AHCTF1: variants seen among roughly 807,000 people sequenced by gnomAD.
AHCTF1 encodes AT-hook containing transcription factor 1.
Under a neutral mutation model 248.4 loss-of-function variants are expected in AHCTF1, and 24 were observed. That is an observed-to-expected ratio of 0.10 (90% CI 0.07 to 0.14). The LOEUF (loss-of-function observed/expected upper bound fraction) is 0.14, where lower values mean the gene tolerates loss of function less well. AHCTF1 is among the 10% of genes least tolerant of loss of function. The probability of loss-of-function intolerance (pLI) is 1.00; values close to 1 mark genes in which losing one functional copy is unlikely to be tolerated. For synonymous variants in AHCTF1, 786 were observed against 929.8 expected (o/e 0.85, Z 2.81); for missense variants, 2,206 against 2,636.2 (o/e 0.84, Z 3.57).
rs1666284649 is a variant in AHCTF1 at position 246,918,273 on chromosome 1, A to G, written c.98T>C (p.Val33Ala). ...LGEDEITLESVLRGKFAAGKN... is the reference protein window; with the variant it reads ...LGEDEITLESALRGKFAAGKN... ...ACCTGCAGCAAACTTTCCACGAAGC[A>G]CAGATTCTAATGTTATTTCGTCTTC... Residue 33 changes from valine (V) to alanine (A), a missense_variant, in exon 2 of 36, where the codon GTG becomes GCG. By Grantham distance (64) the Val-to-Ala change is moderately conservative (BLOSUM62 0). Coordinates refer to ENST00000648844, the MANE Select transcript of AHCTF1 (RefSeq NM_001323342.2). The G allele has an allele frequency of 6.2e-7, 1 of 1,609,458 alleles. No individual in the cohort carries two copies. Among genetic ancestry groups the G allele is most frequent in the African/African-American group, 1.3e-5 (1 of 74,848 alleles).
intron 19 of AHCTF1, among the ~76,000 whole-genome samples, chr1:246,887,921 T>C (rs946238059): frequency 6.6e-6 from 1 of 152,318 alleles, no homozygotes; most frequent in South Asian, 2.1e-4. Context: ...TTTGAGTGTC[T>C]TGGACACATT....
Position 246,885,649 on chromosome 1 carries a change from G to A in AHCTF1, c.2504C>T (p.Thr835Ile). Residue 835 changes from threonine to isoleucine, a missense_variant, in exon 21 of 36, where the codon ACT (threonine) becomes ATT (isoleucine). Physicochemically the swap from Thr to Ile is moderately conservative, Grantham distance 89 (BLOSUM62 -1). Coordinates refer to ENST00000648844, the MANE Select transcript of AHCTF1 (RefSeq NM_001323342.2). The stretch of plus-strand genomic sequence containing the variant: ...ATGTTGCCATGACAAAGGTTTTGCA[G>A]TAGCTGGATGAAACAAAAGATCCAA... ...SGLDLLFHPA[T>I]AKPLSWQHSK... 4 of 1,610,984 alleles carry A rather than the reference G, an allele frequency of 2.5e-6. No individual in the cohort carries two copies. The highest frequency in any genetic ancestry group is 2.5e-6 in the Non-Finnish European group (3 of 1,178,454).
chr1:246,867,898 CCCCCACACA>C, intron 24 of AHCTF1, 87 bp from the exon 25 acceptor site: 3 of 566,698 alleles, frequency 5.3e-6, no homozygotes, highest in Non-Finnish European at 7.8e-6. Flanking sequence ...TACACCCCCC[CCCCCACACA>C]CACACACACA....
chr1:246,869,098 C>T (rs1326402119), intron 24 of AHCTF1, among the ~76,000 whole-genome samples: 1 of 151,198 alleles, frequency 6.6e-6, no homozygotes, highest in Non-Finnish European at 1.5e-5. Context: ...CCCGCCTTGG[C>T]CTCCCAAAGT....
intron 29 of AHCTF1, among the ~76,000 whole-genome samples, chr1:246,860,448 G>C (rs926575421): frequency 3.3e-5 from 5 of 151,990 alleles, no homozygotes; most frequent in African/African-American, 1.2e-4. Context: ...CTGAAATCTC[G>C]TACCTACTCA....
chr1:246,903,690 T>C (rs1400916977), intron 7 of AHCTF1, among the ~76,000 whole-genome samples: 2 of 139,580 alleles, frequency 1.4e-5, no homozygotes, highest in African/African-American at 2.9e-5. Flanking sequence ...TACAAAAAAA[T>C]TAGCCAGGCG....
intron 12 of AHCTF1, among the ~76,000 whole-genome samples, chr1:246,896,323 T>C (rs1664568876): frequency 1.3e-5 from 2 of 152,226 alleles, no homozygotes; most frequent in South Asian, 2.1e-4. Context: ...CAAATGCCCA[T>C]TAATTGTAGA....
intron 8 of AHCTF1, 103 bp downstream of exon 8, chr1:246,902,422 T>C: frequency 1.4e-6 from 2 of 1,390,074 alleles, no homozygotes; most frequent in Non-Finnish European, 2.0e-6. Context: ...TAATTACTAT[T>C]CCAATTTTCT....
At chr1:246,845,327 T>C (rs1558204949) in intron 33 of AHCTF1, among the ~76,000 whole-genome samples, 1 of 151,964 alleles carries the variant, frequency 6.6e-6, no homozygotes, top group African/African-American at 2.4e-5. Flanking sequence ...ATGTTTTTTG[T>C]GGGTACACAG....
intron 7 of AHCTF1, 89 bp from the exon 8 acceptor site, chr1:246,902,764 C>A: frequency 7.8e-7 from 1 of 1,279,286 alleles, no homozygotes; most frequent in East Asian, 2.5e-5. Context: ...AAAGATTGTT[C>A]ACACAATACA....
chr1:246,902,943 AC>A (rs1332359283), intron 7 of AHCTF1, among the ~76,000 whole-genome samples: 1 of 152,188 alleles, frequency 6.6e-6, no homozygotes, highest in African/African-American at 2.4e-5. Context: ...TGGTATGTAA[AC>A]TGGAATAACC....
chr1:246,866,981 A>G (rs1380884464), intron 26 of AHCTF1, among the ~76,000 whole-genome samples: 1 of 152,206 alleles, frequency 6.6e-6, no homozygotes, highest in Non-Finnish European at 1.5e-5. Context: ...GTAACAAGGA[A>G]AGTAAGTTAA....
At chr1:246,919,794 C>G (rs1328415949) in intron 1 of AHCTF1, among the ~76,000 whole-genome samples, 2 of 151,522 alleles carry the variant, frequency 1.3e-5, no homozygotes, top group East Asian at 3.9e-4. Context: ...AACCACATAT[C>G]CTCTGGAATC....
intron 12 of AHCTF1, among the ~76,000 whole-genome samples, chr1:246,897,229 C>A (rs1475507537): frequency 2.0e-5 from 3 of 152,128 alleles, no homozygotes; most frequent in African/African-American, 7.2e-5. Context: ...AGGAGAATCA[C>A]CTGAACCCAG....
intron 33 of AHCTF1, among the ~76,000 whole-genome samples, chr1:246,845,554 A>T (rs1184025665): frequency 6.6e-6 from 1 of 152,324 alleles, no homozygotes; most frequent in East Asian, 1.9e-4. Flanking sequence ...CTACCTGAAA[A>T]AACGATTTAT....
chr1:246,899,491 G>A lies in AHCTF1; in HGVS notation c.1454C>T (p.Ser485Leu), dbSNP rs61854025. 62 of 1,607,880 alleles carry A rather than the reference G, an allele frequency of 3.9e-5. No homozygotes were observed. The highest frequency in any genetic ancestry group is 1.1e-4 in the African/African-American group (8 of 74,534). ...AGTACAAGTTAAATGAACAACTCCC[G>A]AGTTTAACAAACAAGTGGCATCTAA... is the stretch of plus-strand genomic sequence containing the variant. The part of the protein sequence containing the change: ...YNFDATCLLN[S>L]GVVHLTCTGF... The change falls in exon 11 of 36, where the codon TCG (serine) becomes TTG (leucine). Residue 485 changes from serine (S) to leucine (L), a missense_variant. Ser to Leu is a moderately radical substitution (Grantham distance 145, BLOSUM62 -2). Around this residue, in one of 6 missense-constraint regions of AHCTF1, gnomAD observed 650 missense variants for 870.8 expected, o/e 0.75. Coordinates refer to ENST00000648844, the MANE Select transcript of AHCTF1 (RefSeq NM_001323342.2).
At chr1:246,900,586 G>T in intron 8 of AHCTF1, 117 bp from the exon 9 acceptor site, 1 of 1,109,622 alleles carries the variant, frequency 9.0e-7, no homozygotes, top group African/African-American at 1.6e-5. Context: ...TATTTCACTT[G>T]ATTCATCAAA....
intron 3 of AHCTF1, among the ~76,000 whole-genome samples, chr1:246,913,666 CA>C (rs1401449938): frequency 3.3e-5 from 5 of 152,172 alleles, no homozygotes; most frequent in African/African-American, 4.8e-5. Flanking sequence ...ATACGCCAGG[CA>C]TTGTGTTACC....
chr1:246,923,003 AAG>A (rs1292895111), intron 1 of AHCTF1, among the ~76,000 whole-genome samples: 7 of 148,868 alleles, frequency 4.7e-5, no homozygotes, highest in Non-Finnish European at 7.4e-5. Context: ...AAAAAAAAAA[AAG>A]TATCAATAGT....
Sources: gnomAD v4.1 joint callset for allele counts (sites outside exome capture counted in the v4.1 genomes callset) on GRCh38, gnomAD v4.1.1 for gene constraint, gnomAD v4.1.1 regional missense constraint, MANE v1.5 for transcripts, NCBI Gene and HGNC (gene_info 2026-07-23, HGNC 2026-07-21) for gene names.